The following DLL1 variants were observed in gnomAD, a reference collection of about 807,000 sequenced individuals.
The protein encoded by DLL1 is delta-like protein 1.
In DLL1, 9 loss-of-function variants were observed where a neutral mutation model predicts 75.1. The observed-to-expected ratio is 0.12, with a 90% CI of 0.07 to 0.21. The LOEUF is 0.21. DLL1 is among the 10% of genes least tolerant of loss of function. The pLI, the probability that DLL1 is intolerant of heterozygous loss-of-function variation, is 1.00. For missense variants in DLL1, 837 were observed against 1,007.6 expected (o/e 0.83, Z 2.29); for synonymous variants, 477 against 418.3 (o/e 1.14, Z -1.71).
rs569988592 is a variant in DLL1 at position 170,286,832 on chromosome 6, C to T, written c.671-534G>A. On this transcript the variant is annotated intron_variant, in intron 4 of 10. Transcript: ENST00000366756. ...ACACACACACACACACACACGCACA[C>T]GCACCCCTTCCGCCAATGGGAGCCG... Among the ~76,000 whole-genome samples, 115 of 152,300 alleles carry T rather than the reference C, an allele frequency of 7.6e-4. 1 individual carries two copies. The highest frequency in any genetic ancestry group is 2.5e-3 in the African/African-American group (105 of 41,532).
chr6:170,290,297 C>T lies in DLL1; in HGVS notation c.-158G>A, dbSNP rs3823301. ...ACCCAGGACTTCTTTCTTTAAAAGC[C>T]GGTCTCCGCCTCTTCCCAAGGCCGC... On this transcript the variant is annotated 5_prime_UTR_variant, in exon 1 of 11. Coordinates refer to ENST00000366756, the MANE Select transcript of DLL1 (RefSeq NM_005618.4). This position sits in a 1 kb window ranked among gnomAD's most constrained non-coding sequence, Gnocchi z 4.7. The T allele has an allele frequency of 0.047, 33,881 of 715,064 alleles. 6,208 individuals are homozygous for T. In the East Asian group the frequency reaches 0.6, roughly 13 times the overall value. The allele number at this position is 715,064 out of a possible 1,614,324, so 44.3% of individuals were successfully genotyped here.
rs1346433887 is a variant in DLL1 at position 170,290,125 on chromosome 6, G to A, written c.15C>T (p.Cys5=). The change falls in exon 1 of 11, where the codon TGC becomes TGT. Residue 5 remains cysteine (C), a synonymous_variant. Transcript: ENST00000366756. This position sits in a 1 kb window ranked among gnomAD's most constrained non-coding sequence, Gnocchi z 4.7. MGSR[C]ALALAVLSAL... is the part of the protein sequence containing the mutation. ...CCGAGAGCACCGCCAGGGCCAGCGC[G>A]CACCGACTGCCCATGCTGCTTCGCT... is the stretch of plus-strand genomic sequence containing the variant. 4.4e-6 allele frequency: 7 copies of A among 1,592,964 alleles called. No individual in the cohort carries two copies. In the Admixed American group the frequency reaches 5.0e-5, roughly 11 times the overall value.
rs1783835257 is a variant in DLL1, at chr6:170,290,452, AG to A, written c.-314del. 8.5e-6 allele frequency: 3 copies of A among 352,516 alleles called. No individual in the cohort carries two copies. In the Admixed American group the frequency reaches 1.5e-4, roughly 17 times the overall value. 21.8% of individuals were successfully genotyped at this position (352,516 alleles called of 1,614,324 possible). On this transcript the variant is annotated 5_prime_UTR_variant, in exon 1 of 11. Transcript: ENST00000366756. The surrounding 1 kb of genome is among the most constrained non-coding windows in gnomAD (Gnocchi z 4.7). The stretch of plus-strand genomic sequence containing the variant: ...CTTCCTCCCAGCCCCCGAGGAGGTG[AG>A]GGTCGCCGGCTTCCTGGTTTTGTCT...
chr6:170,283,785 C>T lies in DLL1; in HGVS notation c.1494G>A (p.Glu498=), dbSNP rs1239154804. 1.3e-6 allele frequency: 2 copies of T among 1,595,564 alleles called. No homozygotes were observed. Among genetic ancestry groups the T allele is most frequent in the South Asian group, 2.2e-5 (2 of 88,962 alleles). The stretch of plus-strand genomic sequence containing the variant: ...ACTCGCACACATAGCGGTGGCCCCT[C>T]TCGTGGCAGGTGGCCCCATTGTGGC... The part of the protein sequence containing the change: ...APCHNGATCH[E]RGHRYVCECA... The change falls in exon 9 of 11, where the codon GAG becomes GAA. Residue 498 remains glutamate, a synonymous_variant. Coordinates refer to ENST00000366756, the MANE Select transcript of DLL1 (RefSeq NM_005618.4).
Position 170,288,301 on chromosome 6 carries a change from G to A in DLL1, c.608C>T (p.Thr203Ile). The A allele has an allele frequency of 6.2e-7, 1 of 1,614,068 alleles. No homozygotes were observed. Among genetic ancestry groups the A allele is most frequent in the Non-Finnish European group, 8.5e-7 (1 of 1,180,044 alleles). ...CACTTTCTCCCCACGCTCCCCACAG[G>A]TGAAGTGGCCGAAGGCATCGTCCCG... ...RPRDDAFGHF[T>I]CGERGEKVCN... Residue 203 changes from threonine to isoleucine, a missense_variant, in exon 4 of 11, where the codon ACC (threonine) becomes ATC (isoleucine). Physicochemically the swap from Thr to Ile is moderately conservative, Grantham distance 89. Around this residue, in one of 2 missense-constraint regions of DLL1, gnomAD observed 304 missense variants for 461.9 expected, o/e 0.66. Transcript: ENST00000366756.
intron 4 of DLL1, among the ~76,000 whole-genome samples, 188 bp from the exon 5 acceptor site, chr6:170,286,486 G>C: frequency 6.6e-6 from 1 of 152,066 alleles, no homozygotes; most frequent in Non-Finnish European, 1.5e-5. Flanking sequence ...CTGGGGATGA[G>C]CATTCTTCTT....
chr6:170,288,177 G>A (rs777865959), intron 4 of DLL1, 62 bp downstream of exon 4: 11 of 1,611,546 alleles, frequency 6.8e-6, no homozygotes, highest in East Asian at 2.2e-5. Context: ...AGGAAGCCCC[G>A]TCCCTGCGCG....
rs374965980 is a variant in DLL1, at chr6:170,286,332, C to T, written c.671-34G>A. Reference sequence around the variant, plus strand: ...AAAGGAAAAACAGGGTCAAGCCCCACGCCAAGTACGTCCCAACAGGGCTGC... The same window carrying T: ...AAAGGAAAAACAGGGTCAAGCCCCATGCCAAGTACGTCCCAACAGGGCTGC... On this transcript the variant is annotated intron_variant, in intron 4 of 10. Coordinates refer to ENST00000366756, the MANE Select transcript of DLL1 (RefSeq NM_005618.4). 1.8e-5 allele frequency: 29 copies of T among 1,613,782 alleles called. No individual in the cohort carries two copies. The African/African-American group carries it at 2.0e-4, about 11-fold the overall frequency.
intron 2 of DLL1, 29 bp downstream of exon 2, chr6:170,289,483 G>A (rs1365954513): frequency 6.5e-7 from 1 of 1,527,566 alleles, no homozygotes. Flanking sequence ...CTTCAGGGCC[G>A]GCCCGGCGCG....
intron 5 of DLL1, among the ~76,000 whole-genome samples, chr6:170,285,921 T>A (rs1359368160): frequency 6.6e-6 from 1 of 152,212 alleles, no homozygotes; most frequent in African/African-American, 2.4e-5. Context: ...ATCTCAAAAA[T>A]CACTCCCTGA....
At chr6:170,289,078 G>A (rs1783776676) in intron 2 of DLL1, 1 of 591,926 alleles carries the variant, frequency 1.7e-6, no homozygotes, top group Non-Finnish European at 3.0e-6. Flanking sequence ...AGGCAGGATG[G>A]GGTGGAAGAG....
Position 170,289,469 on chromosome 6 carries a change from C to G in DLL1, c.351+43G>C, listed in dbSNP as rs965843311. On this transcript the variant is annotated intron_variant, in intron 2 of 10. Transcript: ENST00000366756. ...GATCCCAGCGCGTCCTGCAGCCCGCCCAGCTTCAGGGCCGGCCCGGCGCGC... is the reference window on the plus strand; with the variant it reads ...GATCCCAGCGCGTCCTGCAGCCCGCGCAGCTTCAGGGCCGGCCCGGCGCGC... 9 of 1,525,044 alleles carry G rather than the reference C, an allele frequency of 5.9e-6. No individual in the cohort carries two copies. The Admixed American group carries it at 9.9e-5, about 17-fold the overall frequency. The allele number at this position is 1,525,044 out of a possible 1,614,324, so 94.5% of individuals were successfully genotyped here.
chr6:170,288,054 G>A (rs1056907924), intron 4 of DLL1, 185 bp downstream of exon 4: 12 of 824,934 alleles, frequency 1.5e-5, no homozygotes, highest in South Asian at 4.9e-5. Flanking sequence ...AAATGTCTGC[G>A]TTGACCCCAA....
chr6:170,285,178 C>T (rs747029854), intron 7 of DLL1, 43 bp from the exon 8 acceptor site: 1 of 1,613,666 alleles, frequency 6.2e-7, no homozygotes, highest in African/African-American at 1.3e-5. Flanking sequence ...AAAGTTGCTC[C>T]AAGGAGCCCA....
At chr6:170,284,142 G>GTC in intron 8 of DLL1, 113 bp from the exon 9 acceptor site, 1 of 1,400,816 alleles carries the variant, frequency 7.1e-7, no homozygotes, top group East Asian at 2.5e-5. Flanking sequence ...ACCAAAGACA[G>GTC]TCTGTGGCCT....
chr6:170,290,443 G>T lies in DLL1; in HGVS notation c.-304C>A. ...GTTTTCCTCCTTCCTCCCAGCCCCC[G>T]AGGAGGTGAGGGTCGCCGGCTTCCT... On this transcript the variant is annotated 5_prime_UTR_variant, in exon 1 of 11. Coordinates refer to ENST00000366756, the MANE Select transcript of DLL1 (RefSeq NM_005618.4). The surrounding 1 kb of genome is among the most constrained non-coding windows in gnomAD (Gnocchi z 4.7). 2.7e-6 allele frequency: 1 copy of T among 376,776 alleles called. No homozygotes were observed. The allele number at this position is 376,776 out of a possible 1,614,324, so 23.3% of individuals were successfully genotyped here.
At position 170,285,122 on chromosome 6, in the gene DLL1, C is replaced by T; in HGVS notation, c.1046G>A (p.Ser349Asn). 6.2e-7 allele frequency: 1 copy of T among 1,613,080 alleles called. No homozygotes were observed. Among genetic ancestry groups the T allele is most frequent in the Non-Finnish European group, 8.5e-7 (1 of 1,179,746 alleles). ...GCCGGGTGGGCAGGTACAGGAGTAG[C>T]TGTTCTCGAGATCCTACACGATGGA... ...NGGSCTDLEN[S>N]YSCTCPPGFY... The change falls in exon 8 of 11, where the codon AGC becomes AAC. Residue 349 changes from serine (S) to asparagine (N), a missense_variant. Ser to Asn is a conservative substitution (Grantham distance 46). Around this residue, in one of 2 missense-constraint regions of DLL1, gnomAD observed 533 missense variants for 545.7 expected, o/e 0.98. Transcript: ENST00000366756.
Position 170,283,360 on chromosome 6 carries a change from T to C in DLL1, c.1919A>G (p.Asp640Gly). The change falls in exon 9 of 11, where the codon GAC (aspartate) becomes GGC (glycine). Residue 640 changes from aspartate (D) to glycine (G), a missense_variant. This residue lies in a region of DLL1 where 533 missense variants were observed against 545.7 expected (regional missense o/e 0.98). Coordinates refer to ENST00000366756, the MANE Select transcript of DLL1 (RefSeq NM_005618.4). The part of the protein sequence containing the change: ...NGFKARYPAV[D>G]YNLVQDLKGD... ...CTTGAGGTCCTGCACGAGGTTATAGTCCACCGCTGGGTAGCGGGCCTTGAA... is the reference window on the plus strand; with the variant it reads ...CTTGAGGTCCTGCACGAGGTTATAGCCCACCGCTGGGTAGCGGGCCTTGAA... The C allele has an allele frequency of 6.2e-7, 1 of 1,612,516 alleles. No individual in the cohort carries two copies. Among genetic ancestry groups the C allele is most frequent in the Non-Finnish European group, 8.5e-7 (1 of 1,180,028 alleles).
At chr6:170,284,806 C>G in intron 8 of DLL1, 113 bp downstream of exon 8, 1 of 1,122,262 alleles carries the variant, frequency 8.9e-7, no homozygotes, top group Non-Finnish European at 1.4e-6. Flanking sequence ...TCCTGGCGGT[C>G]TGGATAAAAG....
Sources: gnomAD v4.1 joint callset for allele counts (sites outside exome capture counted in the v4.1 genomes callset) on GRCh38, gnomAD v4.1.1 for gene constraint, gnomAD v4.1.1 regional missense constraint, Gnocchi (gnomAD v3.1) non-coding constraint, MANE v1.5 for transcripts, NCBI Gene and HGNC (gene_info 2026-07-23, HGNC 2026-07-21) for gene names.